PID1: variants seen among roughly 807,000 people sequenced by gnomAD.
PID1 encodes PTB-containing, cubilin and LRP1-interacting protein.
A neutral mutation model predicts 19.1 loss-of-function variants in PID1; 10 were observed. That is an observed-to-expected ratio of 0.52 (90% confidence interval 0.32 to 0.89). The LOEUF (loss-of-function observed/expected upper bound fraction) is 0.89. Ranked by LOEUF, PID1 falls within the 40% of genes least tolerant of loss-of-function variation. PID1 has a pLI of 0.03. For synonymous variants in PID1, 130 were observed against 116.0 expected, an observed-to-expected ratio of 1.12 and a Z score of -0.78; for missense variants, 248 against 285.3, an observed-to-expected ratio of 0.87 and a Z score of 0.94.
intron 1 of PID1, among the ~76,000 whole-genome samples, chr2:229,221,844 A>G (rs979482051): frequency 6.6e-6 from 1 of 152,150 alleles, no homozygotes; most frequent in African/African-American, 2.4e-5. Context: ...CCAAGCCAAA[A>G]GAGTGGCAGT....
chr2:229,101,428 A>G (rs1395888781), intron 2 of PID1, among the ~76,000 whole-genome samples: 1 of 152,210 alleles, frequency 6.6e-6, no homozygotes, highest in Non-Finnish European at 1.5e-5. Flanking sequence ...TGCAAAAGCC[A>G]GTGTAGGCAT....
intron 1 of PID1, among the ~76,000 whole-genome samples, chr2:229,229,593 G>GCTA (rs1692159446): frequency 6.6e-6 from 1 of 152,160 alleles, no homozygotes; most frequent in Non-Finnish European, 1.5e-5. Context: ...CTGTGATTGT[G>GCTA]CTACTGCACT....
At chr2:229,113,231 G>A (rs1246522854) in intron 2 of PID1, among the ~76,000 whole-genome samples, 1 of 151,812 alleles carries the variant, frequency 6.6e-6, no homozygotes, top group Non-Finnish European at 1.5e-5. Flanking sequence ...TGAATTTGTT[G>A]GAGTAGATGT....
At chr2:229,027,831 G>A (rs554308056) in intron 2 of PID1, among the ~76,000 whole-genome samples, 1 of 152,208 alleles carries the variant, frequency 6.6e-6, no homozygotes, top group Non-Finnish European at 1.5e-5. Context: ...CACGACCTCT[G>A]GATAAAAATA....
rs192253300 is a variant in PID1 at position 229,224,044 on chromosome 2, T to C, written c.30+46970A>G. On this transcript the variant is annotated intron_variant, in intron 1 of 2. Transcript: ENST00000392055. ...TGATAACATGTGGTATTTGATTTTC[T>C]GTTTCTGCATTAATTCACTTAGGAT... Among the ~76,000 whole-genome samples, 185 of 152,350 alleles carry C rather than the reference T, an allele frequency of 1.2e-3. 2 individuals carry two copies. The highest frequency in any genetic ancestry group is 4.3e-3 in the African/African-American group (179 of 41,578).
At chr2:229,123,272 A>C (rs1215994034) in intron 2 of PID1, among the ~76,000 whole-genome samples, 8 of 152,160 alleles carry the variant, frequency 5.3e-5, no homozygotes, top group Admixed American at 2.6e-4. Context: ...GGAATCATAT[A>C]ATATGTGGTC....
chr2:229,030,523 G>A (rs1047907976), intron 2 of PID1, among the ~76,000 whole-genome samples: 2 of 152,106 alleles, frequency 1.3e-5, no homozygotes, highest in South Asian at 4.1e-4. Context: ...ACTATTCACT[G>A]AAACTAGAAA....
chr2:229,170,406 C>G (rs868205800), intron 1 of PID1, among the ~76,000 whole-genome samples: 4 of 152,312 alleles, frequency 2.6e-5, no homozygotes, highest in East Asian at 1.9e-4. Flanking sequence ...CATTTCCCCC[C>G]ACAATGTACA....
chr2:229,211,472 C>T (rs972729691), intron 1 of PID1, among the ~76,000 whole-genome samples: 1 of 152,100 alleles, frequency 6.6e-6, no homozygotes, highest in Non-Finnish European at 1.5e-5. Context: ...CTTAAACAGA[C>T]TACACGAGTA....
intron 1 of PID1, among the ~76,000 whole-genome samples, chr2:229,184,943 T>G (rs1476993730): frequency 8.1e-6 from 1 of 123,342 alleles, no homozygotes; most frequent in African/African-American, 3.0e-5. Context: ...CATATATATA[T>G]CCTATATATA....
At chr2:229,190,290 G>A (rs1387098759) in intron 1 of PID1, among the ~76,000 whole-genome samples, 1 of 152,180 alleles carries the variant, frequency 6.6e-6, no homozygotes, top group African/African-American at 2.4e-5. Flanking sequence ...ATGGCATAAG[G>A]TATCAAAACA....
At position 229,050,680 on chromosome 2, in the gene PID1, T is replaced by C. The variant is rs529164368; in HGVS notation, c.178-24572A>G. On this transcript the variant is annotated intron_variant, in intron 2 of 2. Coordinates refer to ENST00000392055, the MANE Select transcript of PID1 (RefSeq NM_001100818.2). ...CTTGCACAGGACTCCCACAGACACA[T>C]ACTTGTCCTGCCATTAGCCATCTGG... 3.3e-5 allele frequency among the ~76,000 whole-genome samples: 5 copies of C among 152,224 alleles called. No individual in the cohort carries two copies. The South Asian group carries it at 1.0e-3, about 32-fold the overall frequency.
At chr2:229,228,932 T>C (rs1692142351) in intron 1 of PID1, among the ~76,000 whole-genome samples, 1 of 152,192 alleles carries the variant, frequency 6.6e-6, no homozygotes, top group Non-Finnish European at 1.5e-5. Context: ...TCCTTGTTGG[T>C]TCTCTACCTG....
intron 2 of PID1, among the ~76,000 whole-genome samples, chr2:229,086,556 T>C (rs182385215): frequency 6.6e-6 from 1 of 152,262 alleles, no homozygotes; most frequent in East Asian, 1.9e-4. Flanking sequence ...AAAGGTTTTA[T>C]AAAAGTAAAA....
intron 1 of PID1, among the ~76,000 whole-genome samples, chr2:229,257,254 C>A (rs1690325642): frequency 6.6e-6 from 1 of 152,220 alleles, no homozygotes; most frequent in Admixed American, 6.5e-5. Context: ...TATCCAACCA[C>A]TGCATTCCAT....
At chr2:229,064,699 C>T (rs1694284622) in intron 2 of PID1, among the ~76,000 whole-genome samples, 1 of 152,130 alleles carries the variant, frequency 6.6e-6, no homozygotes, top group African/African-American at 2.4e-5. Context: ...ACTGTAATGA[C>T]TTAAAATTAT....
chr2:229,131,553 T>G (rs1689740998), intron 2 of PID1, among the ~76,000 whole-genome samples: 1 of 152,152 alleles, frequency 6.6e-6, no homozygotes. Context: ...GAGAACAAAG[T>G]CATGTGAAAA....
intron 2 of PID1, among the ~76,000 whole-genome samples, chr2:229,099,226 C>G (rs971861312): frequency 3.9e-5 from 6 of 152,130 alleles, no homozygotes; most frequent in Non-Finnish European, 8.8e-5. Context: ...GTGTTTCAAA[C>G]AGTAGAAAAA....
In PID1 at chr2:229,180,521, T is replaced by C. The variant is rs373682824; in HGVS notation, c.31-24557A>G. Among the ~76,000 whole-genome samples the C allele has an allele frequency of 2.4e-4, 36 of 152,288 alleles. No homozygotes were observed. The South Asian group carries it at 5.6e-3, about 24-fold the overall frequency. ...GTCTGGATTCACAGCATCAGCATCA[T>C]CTGAGAACTTACTGGAAATGGAGGT... On this transcript the variant is annotated intron_variant, in intron 1 of 2. Coordinates refer to ENST00000392055, the MANE Select transcript of PID1 (RefSeq NM_001100818.2).
Sources: gnomAD v4.1 joint callset for allele counts (sites outside exome capture counted in the v4.1 genomes callset) on GRCh38, gnomAD v4.1.1 for gene constraint, MANE v1.5 for transcripts, NCBI Gene and HGNC (gene_info 2026-07-23, HGNC 2026-07-21) for gene names.